FRMD5: variants seen among roughly 807,000 people sequenced by gnomAD.
The protein encoded by FRMD5 is FERM domain-containing protein 5.
Under a neutral mutation model 69.0 loss-of-function variants are expected in FRMD5, and 20 were observed. The observed-to-expected ratio is 0.29, with a 90% confidence interval of 0.20 to 0.42. FRMD5 has a LOEUF of 0.42. Among genes scored for constraint, FRMD5 ranks in the 10% least tolerant of loss-of-function variants. The probability of loss-of-function intolerance (pLI) is 1.00; values close to 1 mark genes in which losing one functional copy is unlikely to be tolerated. For synonymous variants in FRMD5, 271 were observed against 260.1 expected (o/e 1.04, Z -0.40); for missense variants, 595 against 708.6 (o/e 0.84, Z 1.82).
chr15:43,956,492 C>T (rs186662076), intron 1 of FRMD5, among the ~76,000 whole-genome samples: 15 of 152,148 alleles, frequency 9.9e-5, no homozygotes, highest in Non-Finnish European at 1.9e-4. Context: ...TGATGTGAGA[C>T]GACTTTTTTT....
Position 44,195,145 on chromosome 15 carries a change from G to A in FRMD5, c.-91C>T. 1.2e-5 allele frequency: 12 copies of A among 980,578 alleles called. No individual in the cohort carries two copies. The South Asian group carries it at 2.1e-4, about 17-fold the overall frequency. The allele number at this position is 980,578 out of a possible 1,614,324, so 60.7% of individuals were successfully genotyped here. On this transcript the variant is annotated 5_prime_UTR_variant, in exon 1 of 14. Transcript: ENST00000417257. ...CCCGGCAGCTCCGCACCGACCCCAG[G>A]CACCTGCACCATCACCCCGGCCCCG...
chr15:44,034,859 T>A (rs148598682), intron 1 of FRMD5, among the ~76,000 whole-genome samples: 1 of 152,204 alleles, frequency 6.6e-6, no homozygotes, highest in African/African-American at 2.4e-5. Flanking sequence ...AACAACTGGG[T>A]GCTTCTAACT....
Position 43,905,828 on chromosome 15 carries a change from C to G in FRMD5, c.551G>C (p.Ser184Thr). The stretch of plus-strand genomic sequence containing the variant: ...CTGGGCCTGATTAAGTGCCACGTAC[C>G]TCAGTTCCGTCTTGTGAATCTCAGC... ...KIAEIHKTEL[S>T]GQTPATSELN... The change falls in exon 6 of 14, where the codon AGT (serine) becomes ACT (threonine). Residue 184 changes from serine to threonine, a missense_variant and splice_region_variant. Transcript: ENST00000417257. 6.2e-7 allele frequency: 1 copy of G among 1,614,100 alleles called. No individual in the cohort carries two copies. Among genetic ancestry groups the G allele is most frequent in the Non-Finnish European group, 8.5e-7 (1 of 1,180,024 alleles).
chr15:43,883,637 T>C (rs1343832436), intron 13 of FRMD5, 66 bp downstream of exon 13: 13 of 1,166,896 alleles, frequency 1.1e-5, no homozygotes, highest in Non-Finnish European at 1.4e-5. Flanking sequence ...CAAATTAGCC[T>C]CTTTTCAAGG....
intron 1 of FRMD5, among the ~76,000 whole-genome samples, chr15:44,044,803 C>T (rs1410993599): frequency 6.6e-6 from 1 of 152,092 alleles, no homozygotes; most frequent in East Asian, 1.9e-4. Context: ...TAGGGAAATA[C>T]CTAATGTAAA....
At chr15:43,995,822 C>T (rs180727886) in intron 1 of FRMD5, among the ~76,000 whole-genome samples, 1 of 152,122 alleles carries the variant, frequency 6.6e-6, no homozygotes, top group Admixed American at 6.5e-5. Context: ...GTCCTGGAGC[C>T]GTGAGAGCCA....
At position 43,883,398 on chromosome 15, in the gene FRMD5, T is replaced by C. The variant is rs188064295; in HGVS notation, c.1135+305A>G. Reference sequence around the variant, plus strand: ...CAGGTGTGAGCCACCGCACAGGGCGTGAAAATCCTCTTGATGGAAAGCAAT... The same window carrying C: ...CAGGTGTGAGCCACCGCACAGGGCGCGAAAATCCTCTTGATGGAAAGCAAT... On this transcript the variant is annotated intron_variant, in intron 13 of 13. Transcript: ENST00000417257. 1.6e-3 allele frequency among the ~76,000 whole-genome samples: 245 copies of C among 152,220 alleles called. 4 individuals are homozygous for C. The highest frequency in any genetic ancestry group is 5.6e-3 in the African/African-American group (231 of 41,542).
At chr15:44,007,527 A>T (rs914017394) in intron 1 of FRMD5, among the ~76,000 whole-genome samples, 1 of 152,074 alleles carries the variant, frequency 6.6e-6, no homozygotes, top group Non-Finnish European at 1.5e-5. Flanking sequence ...ATCAAAATGG[A>T]CATTAACATC....
At chr15:43,885,561 A>G in intron 11 of FRMD5, 120 bp downstream of exon 11, 1 of 779,438 alleles carries the variant, frequency 1.3e-6, no homozygotes, top group Non-Finnish European at 2.3e-6. Context: ...AATTAGATGG[A>G]GACCTCAGAC....
intron 1 of FRMD5, among the ~76,000 whole-genome samples, chr15:44,097,147 C>A (rs375630733): frequency 3.4e-4 from 51 of 152,172 alleles, no homozygotes; most frequent in African/African-American, 1.1e-3. Context: ...TTCACAAAAG[C>A]TAGTGAGAGA....
chr15:43,873,258 T>C lies in FRMD5; in HGVS notation c.*627A>G, dbSNP rs1399681363. The C allele has an allele frequency of 5.8e-6, 9 of 1,547,498 alleles. No individual in the cohort carries two copies. The African/African-American group carries it at 1.1e-4, about 19-fold the overall frequency. On this transcript the variant is annotated 3_prime_UTR_variant, in exon 14 of 14. Transcript: ENST00000417257. ...TTGAAAAAACAAAAGGAAAAGAAAA[T>C]CCAACTCAGACCATCATAAGAAGCA...
At chr15:44,144,804 G>A (rs898152662) in intron 1 of FRMD5, among the ~76,000 whole-genome samples, 1 of 152,190 alleles carries the variant, frequency 6.6e-6, no homozygotes, top group African/African-American at 2.4e-5. Context: ...AGTGAGTCAA[G>A]TCCTTCCAAG....
chr15:44,101,250 G>C (rs2076636215), intron 1 of FRMD5, among the ~76,000 whole-genome samples: 1 of 152,064 alleles, frequency 6.6e-6, no homozygotes, highest in African/African-American at 2.4e-5. Flanking sequence ...CAGCTTTGTG[G>C]CCTGGCAGCT....
At chr15:44,166,645 G>T (rs377554404) in intron 1 of FRMD5, among the ~76,000 whole-genome samples, 2 of 151,740 alleles carry the variant, frequency 1.3e-5, no homozygotes, top group Non-Finnish European at 2.9e-5. Context: ...TTAGCTGGGC[G>T]TGGTGGTGAG....
chr15:44,185,989 T>C (rs2696073), intron 1 of FRMD5, among the ~76,000 whole-genome samples: 16,551 of 152,138 alleles, frequency 0.11, 2,057 homozygotes, highest in African/African-American at 0.31. Flanking sequence ...TGCAATGGCG[T>C]GATTTCGGCT....
At chr15:44,068,431 T>C (rs78966047) in intron 1 of FRMD5, among the ~76,000 whole-genome samples, 2 of 152,350 alleles carry the variant, frequency 1.3e-5, no homozygotes, top group Non-Finnish European at 2.9e-5. Context: ...CTAACATTAA[T>C]ACATGCTGCA....
rs1213347011 is a variant in FRMD5 at position 44,096,206 on chromosome 15, CAAAAAAAAAAA to C, written c.102+98736_102+98746del. The stretch of plus-strand genomic sequence containing the variant: ...AAGCAACATGAGAGAAACTCCATCT[CAAAAAAAAAAA>C]AAAAAAAAAAAAGAGTAAATTAAAT... On this transcript the variant is annotated intron_variant, in intron 1 of 13. Transcript: ENST00000417257. 6.3e-3 allele frequency among the ~76,000 whole-genome samples: 302 copies of C among 47,914 alleles called. 1 individual carries two copies. The highest frequency in any genetic ancestry group is 0.01 in the Non-Finnish European group (256 of 24,602). The allele number at this position is 47,914 out of a possible 152,430, so 31.4% of individuals were successfully genotyped here.
intron 1 of FRMD5, among the ~76,000 whole-genome samples, chr15:44,092,990 G>A (rs868285525): frequency 4.9e-4 from 66 of 133,960 alleles, no homozygotes; most frequent in African/African-American, 1.8e-3. Context: ...GGAGTGCAGT[G>A]GCACAATCTC....
intron 1 of FRMD5, among the ~76,000 whole-genome samples, chr15:44,177,425 C>G (rs984417017): frequency 2.0e-5 from 3 of 151,932 alleles, no homozygotes; most frequent in Admixed American, 6.6e-5. Flanking sequence ...ATGAATGAAC[C>G]TGAAAAACAT....
Sources: gnomAD v4.1 joint callset for allele counts (sites outside exome capture counted in the v4.1 genomes callset) on GRCh38, gnomAD v4.1.1 for gene constraint, MANE v1.5 for transcripts, NCBI Gene and HGNC (gene_info 2026-07-23, HGNC 2026-07-21) for gene names.